Variants in GOLGA2 observed in about 807,000 individuals in gnomAD.
The protein encoded by GOLGA2 is golgin A2, also known as golgin subfamily A member 2.
GOLGA2 carries 49 observed loss-of-function variants against 148.8 expected under a neutral mutation model. That is an observed-to-expected ratio of 0.33 (90% CI 0.26 to 0.42). GOLGA2 has a LOEUF of 0.42. GOLGA2 is among the 10% of genes least tolerant of loss of function. The probability of loss-of-function intolerance (pLI) is 1.00; values close to 1 mark genes in which losing one functional copy is unlikely to be tolerated. For missense variants in GOLGA2, 1,178 were observed against 1,304.6 expected (o/e 0.90, Z 1.49); for synonymous variants, 501 against 511.8 (o/e 0.98, Z 0.28).
intron 12 of GOLGA2, among the ~76,000 whole-genome samples, chr9:128,264,576 G>A (rs997632557): frequency 6.6e-6 from 1 of 152,014 alleles, no homozygotes; most frequent in Non-Finnish European, 1.5e-5. Flanking sequence ...ACAGGGGCAC[G>A]CCACCACACC....
rs1283660884 is a variant in GOLGA2, at chr9:128,256,868, T to C, written c.*199A>G. The C allele has an allele frequency of 4.2e-6, 2 of 470,988 alleles. No homozygotes were observed. The highest frequency in any genetic ancestry group is 3.8e-6 in the Non-Finnish European group (1 of 264,952). 29.2% of individuals were successfully genotyped at this position (470,988 alleles called of 1,614,324 possible). A position where few individuals can be genotyped will look rare whatever the true frequency, so the allele number is the denominator to read the frequency against. On this transcript the variant is annotated 3_prime_UTR_variant, in exon 27 of 27. Coordinates refer to ENST00000611957, the MANE Select transcript of GOLGA2 (RefSeq NM_001366244.2). ...ATAACTTTTTTTAATCCCATAACTT[T>C]TAATTTTTTTTTAATTTAGTGGCCA...
chr9:128,263,171 G>T, intron 12 of GOLGA2, 79 bp from the exon 13 acceptor site: 1 of 807,562 alleles, frequency 1.2e-6, no homozygotes, highest in Non-Finnish European at 2.2e-6. Context: ...GCTACAGTAA[G>T]TACTCCACAG....
chr9:128,256,984 T>A lies in GOLGA2; in HGVS notation c.*83A>T. The stretch of plus-strand genomic sequence containing the variant: ...GCTTGCTACTGTAAGGGTAAAGGGT[T>A]GACTGAGAAGGGATGGTAGGGATAT... On this transcript the variant is annotated 3_prime_UTR_variant, in exon 27 of 27. Coordinates refer to ENST00000611957, the MANE Select transcript of GOLGA2 (RefSeq NM_001366244.2). The A allele has an allele frequency of 1.9e-6, 2 of 1,048,454 alleles. No homozygotes were observed. Among genetic ancestry groups the A allele is most frequent in the South Asian group, 1.4e-5 (1 of 69,536 alleles). The allele number at this position is 1,048,454 out of a possible 1,614,324, so 64.9% of individuals were successfully genotyped here. A position where few individuals can be genotyped will look rare whatever the true frequency, so the allele number is the denominator to read the frequency against.
rs371179074 is a variant in GOLGA2, at chr9:128,267,176, A to G, written c.642+18T>C. The G allele has an allele frequency of 2.1e-6, 3 of 1,424,068 alleles. No homozygotes were observed. Among genetic ancestry groups the G allele is most frequent in the Non-Finnish European group, 3.0e-6 (3 of 1,006,872 alleles). 88.2% of individuals were successfully genotyped at this position (1,424,068 alleles called of 1,614,324 possible). ...AGGATTAGCAGCATGGAATCAGGGG[A>G]CCCCACTGGACTCTTACCAATTTCT... On this transcript the variant is annotated intron_variant, in intron 8 of 26. Coordinates refer to ENST00000611957, the MANE Select transcript of GOLGA2 (RefSeq NM_001366244.2).
In GOLGA2 at chr9:128,259,374, T is replaced by C; in HGVS notation, c.1890A>G (p.Gln630=). ...GCTGCTGCTGCAGACTTTGAGCCTC[T>C]TGGCTCTTCAGCTCCACCTGTAGGA... ...ELKETVELKS[Q]EAQSLQQQRD... Residue 630 remains glutamine (Q), a synonymous_variant, in exon 20 of 27, where the codon CAA becomes CAG. Coordinates refer to ENST00000611957, the MANE Select transcript of GOLGA2 (RefSeq NM_001366244.2). The C allele has an allele frequency of 6.3e-7, 1 of 1,588,714 alleles. No homozygotes were observed. Among genetic ancestry groups the C allele is most frequent in the South Asian group, 1.1e-5 (1 of 88,440 alleles).
intron 7 of GOLGA2, 36 bp downstream of exon 7, chr9:128,267,422 T>G: frequency 6.3e-7 from 1 of 1,581,510 alleles, no homozygotes; most frequent in Non-Finnish European, 8.7e-7. Context: ...AGGGCTGGCC[T>G]GCAGGGTCAC....
At position 128,257,061 on chromosome 9, in the gene GOLGA2, C is replaced by A; in HGVS notation, c.*6G>T. 6.2e-7 allele frequency: 1 copy of A among 1,605,114 alleles called. No homozygotes were observed. Among genetic ancestry groups the A allele is most frequent in the Non-Finnish European group, 8.5e-7 (1 of 1,173,292 alleles). On this transcript the variant is annotated 3_prime_UTR_variant, in exon 27 of 27. Transcript: ENST00000611957. This position sits in a 1 kb window ranked among gnomAD's most constrained non-coding sequence, Gnocchi z 8.0. ...TTCTTCAGGCTTTGCTGACAGTAGC[C>A]GGCTTTTAGATGACAGTGATCTTCA...
In GOLGA2 at chr9:128,257,955, C is replaced by T; in HGVS notation, c.2508+25G>A. On this transcript the variant is annotated intron_variant, in intron 23 of 26. Transcript: ENST00000611957. The surrounding 1 kb of genome is among the most constrained non-coding windows in gnomAD (Gnocchi z 8.0). ...CCTGCCCCGCCCCCACCCTTCTTGA[C>T]CCATGCCAGGAGAGACTCATTCACC... 1 of 1,553,098 alleles carries T rather than the reference C, an allele frequency of 6.4e-7. No individual in the cohort carries two copies. The highest frequency in any genetic ancestry group is 8.9e-7 in the Non-Finnish European group (1 of 1,125,776).
chr9:128,272,070 G>C (rs1398308538), intron 3 of GOLGA2, among the ~76,000 whole-genome samples: 1 of 149,066 alleles, frequency 6.7e-6, no homozygotes, highest in Non-Finnish European at 1.5e-5. Flanking sequence ...TAACTTCTAG[G>C]TGGTTTACTG....
At position 128,260,648 on chromosome 9, in the gene GOLGA2, C is replaced by T. The variant is rs753407352; in HGVS notation, c.1575G>A (p.Arg525=). ...QDNEGLSRLN[R]EQEERLLELE... is the part of the protein sequence containing the mutation. ...GCTCCAGCAGCCTCTCCTCCTGCTC[C>T]CGGTTCAGGCGACTCAAGCCCTCAT... Residue 525 remains arginine (R), a synonymous_variant, in exon 18 of 27, where the codon CGG becomes CGA. Coordinates refer to ENST00000611957, the MANE Select transcript of GOLGA2 (RefSeq NM_001366244.2). The surrounding 1 kb of genome is among the most constrained non-coding windows in gnomAD (Gnocchi z 4.8). 1.1e-5 allele frequency: 17 copies of T among 1,612,506 alleles called. No individual in the cohort carries two copies. The highest frequency in any genetic ancestry group is 1.4e-5 in the Non-Finnish European group (16 of 1,180,002).
rs771851290 is a variant in GOLGA2 at position 128,257,826 on chromosome 9, G to A, written c.2575C>T (p.Arg859Cys). 5.6e-6 allele frequency: 9 copies of A among 1,614,086 alleles called. No individual in the cohort carries two copies. Among genetic ancestry groups the A allele is most frequent in the East Asian group, 4.5e-5 (2 of 44,874 alleles). Reference sequence around the variant, plus strand: ...GTCTCTCCAGAAAGCTGGATGCAGCGATGTTCCAGTTCCTCTACCCTCTCC... The same window carrying A: ...GTCTCTCCAGAAAGCTGGATGCAGCAATGTTCCAGTTCCTCTACCCTCTCC... ...LKERVEELEH[R>C]CIQLSGETDT... Residue 859 changes from arginine to cysteine, a missense_variant, in exon 24 of 27, where the codon CGC (arginine) becomes TGC (cysteine). By Grantham distance (180) the Arg-to-Cys change is radical (BLOSUM62 -3). Coordinates refer to ENST00000611957, the MANE Select transcript of GOLGA2 (RefSeq NM_001366244.2). This position sits in a 1 kb window ranked among gnomAD's most constrained non-coding sequence, Gnocchi z 8.0.
rs1480782997 is a variant in GOLGA2, at chr9:128,256,871, A to T, written c.*196T>A. On this transcript the variant is annotated 3_prime_UTR_variant, in exon 27 of 27. Coordinates refer to ENST00000611957, the MANE Select transcript of GOLGA2 (RefSeq NM_001366244.2). ...ACTTTTTTTAATCCCATAACTTTTA[A>T]TTTTTTTTTAATTTAGTGGCCAGCT... The T allele has an allele frequency of 4.2e-6, 2 of 471,078 alleles. No individual in the cohort carries two copies. The highest frequency in any genetic ancestry group is 7.6e-6 in the Non-Finnish European group (2 of 264,606). The allele number at this position is 471,078 out of a possible 1,614,324, so 29.2% of individuals were successfully genotyped here.
In GOLGA2 at chr9:128,261,267, A is replaced by G; in HGVS notation, c.1333-8T>C. ...CTCTCTCAATGTGTGCACCTGCCCAAAGCACAGCAAGAAAGGGCCCTGGAG... is the reference window on the plus strand; with the variant it reads ...CTCTCTCAATGTGTGCACCTGCCCAGAGCACAGCAAGAAAGGGCCCTGGAG... On this transcript the variant is annotated splice_region_variant and splice_polypyrimidine_tract_variant and intron_variant, in intron 16 of 26. Transcript: ENST00000611957. This position sits in a 1 kb window ranked among gnomAD's most constrained non-coding sequence, Gnocchi z 5.7. The G allele has an allele frequency of 6.2e-7, 1 of 1,608,696 alleles. No individual in the cohort carries two copies. Among genetic ancestry groups the G allele is most frequent in the Non-Finnish European group, 8.5e-7 (1 of 1,175,202 alleles).
intron 12 of GOLGA2, 100 bp downstream of exon 12, chr9:128,265,485 T>G: frequency 1.1e-6 from 1 of 928,746 alleles, no homozygotes; most frequent in Non-Finnish European, 1.8e-6. Flanking sequence ...CCATGCTGCC[T>G]TCTAGGCAGG....
rs773211014 is a variant in GOLGA2 at position 128,268,419 on chromosome 9, C to A, written c.393+1G>T. The stretch of plus-strand genomic sequence containing the variant: ...TGGGCAGAGGGGGAGGAGGCACGAA[C>A]CTGAGATGCCGCCATGCTAGTGAGA... On this transcript the variant is annotated splice_donor_variant, in intron 4 of 26. Transcript: ENST00000611957. LOFTEE classifies it high-confidence loss of function. 6.4e-7 allele frequency: 1 copy of A among 1,566,894 alleles called. No individual in the cohort carries two copies. The highest frequency in any genetic ancestry group is 8.8e-7 in the Non-Finnish European group (1 of 1,137,408).
In GOLGA2 at chr9:128,261,744, C is replaced by A. The variant is rs559781023; in HGVS notation, c.1148G>T (p.Cys383Phe). ...CTGCTGGTTAGCATCAGGGGCTTCA[C>A]ACCGGCTTGAAAACTGGATGGTGAA... ...ELLLQQFSSR[C>F]EAPDANQQLQ... The change falls in exon 15 of 27, where the codon TGT becomes TTT. Residue 383 changes from cysteine to phenylalanine, a missense_variant. Cys to Phe is a radical substitution (Grantham distance 205). This residue lies in a region of GOLGA2 where 304 missense variants were observed against 404.1 expected (regional missense o/e 0.75). Coordinates refer to ENST00000611957, the MANE Select transcript of GOLGA2 (RefSeq NM_001366244.2). This position sits in a 1 kb window ranked among gnomAD's most constrained non-coding sequence, Gnocchi z 5.7. 73 of 1,612,302 alleles carry A rather than the reference C, an allele frequency of 4.5e-5. 1 individual carries two copies. In the South Asian group the frequency reaches 7.6e-4, roughly 17 times the overall value.
At position 128,257,383 on chromosome 9, in the gene GOLGA2, G is replaced by A. The variant is rs201662917; in HGVS notation, c.2861C>T (p.Ala954Val). ...GAPAPQELGAANQQGDLCEVS... is the reference protein window; with the variant it reads ...GAPAPQELGAVNQQGDLCEVS... ...GCTCTACTCACCACCCTGCTGGTTG[G>A]CAGCCCCAAGTTCCTGGGGGGCTGG... Residue 954 changes from alanine (A) to valine (V), a missense_variant, in exon 26 of 27, where the codon GCC becomes GTC. Coordinates refer to ENST00000611957, the MANE Select transcript of GOLGA2 (RefSeq NM_001366244.2). The surrounding 1 kb of genome is among the most constrained non-coding windows in gnomAD (Gnocchi z 8.0). 580 of 1,612,886 alleles carry A rather than the reference G, an allele frequency of 3.6e-4. 3 individuals carry two copies. The highest frequency in any genetic ancestry group is 4.1e-4 in the Non-Finnish European group (484 of 1,180,006).
chr9:128,270,835 C>T (rs1456456708), intron 3 of GOLGA2, among the ~76,000 whole-genome samples: 2 of 152,086 alleles, frequency 1.3e-5, no homozygotes, highest in Admixed American at 6.6e-5. Context: ...CACTTGAGGC[C>T]AGGAGTTCGA....
intron 3 of GOLGA2, among the ~76,000 whole-genome samples, chr9:128,269,671 G>C (rs1830815115): frequency 6.6e-6 from 1 of 152,214 alleles, no homozygotes; most frequent in Non-Finnish European, 1.5e-5. Flanking sequence ...CAGATGGGCA[G>C]ACAGTGGAAA....
Sources: allele counts gnomAD v4.1 joint callset (sites outside exome capture counted in the v4.1 genomes callset), GRCh38; gene constraint gnomAD v4.1.1; regional missense constraint gnomAD v4.1.1; non-coding constraint Gnocchi (gnomAD v3.1); transcripts MANE v1.5; gene names NCBI Gene and HGNC (gene_info 2026-07-23, HGNC 2026-07-21).